Variants in PLCB1 observed in about 807,000 individuals in gnomAD.
PLCB1 encodes the protein phospholipase C beta 1.
PLCB1 carries 46 observed loss-of-function variants against 161.8 expected under a neutral mutation model. The observed-to-expected ratio is 0.28, with a 90% CI of 0.22 to 0.36. PLCB1 has a LOEUF of 0.36. PLCB1 is among the 10% of genes least tolerant of loss of function. The probability of loss-of-function intolerance (pLI) is 1.00; values close to 1 mark genes in which losing one functional copy is unlikely to be tolerated. For synonymous variants in PLCB1, 517 were observed against 503.7 expected (o/e 1.03, Z -0.35); for missense variants, 1,016 against 1,472.5 (o/e 0.69, Z 5.07).
At chr20:8,622,908 G>T (rs1464682660) in intron 3 of PLCB1, among the ~76,000 whole-genome samples, 2 of 150,596 alleles carry the variant, frequency 1.3e-5, no homozygotes, top group Admixed American at 6.6e-5. Context: ...CTCAGGCAAT[G>T]CAACTTTTTG....
chr20:8,345,944 C>T (rs1220590024), intron 2 of PLCB1, among the ~76,000 whole-genome samples: 1 of 152,174 alleles, frequency 6.6e-6, no homozygotes, highest in African/African-American at 2.4e-5. Flanking sequence ...AGAGAAGATG[C>T]CACAGTTTCT....
intron 30 of PLCB1, 23 bp from the exon 31 acceptor site, chr20:8,790,152 T>C: frequency 6.5e-7 from 1 of 1,539,430 alleles, no homozygotes; most frequent in Non-Finnish European, 9.0e-7. Flanking sequence ...ATGAAAGTAA[T>C]GTTTCTTGTA....
chr20:8,174,503 A>C (rs2051763179), intron 2 of PLCB1, among the ~76,000 whole-genome samples: 1 of 152,220 alleles, frequency 6.6e-6, no homozygotes, highest in African/African-American at 2.4e-5. Context: ...TAGAAGAAGG[A>C]AACTTGGAGT....
At chr20:8,670,418 A>G (rs992007891) in intron 9 of PLCB1, among the ~76,000 whole-genome samples, 9 of 152,226 alleles carry the variant, frequency 5.9e-5, no homozygotes, top group African/African-American at 2.2e-4. Context: ...GGGAAACTGC[A>G]AGCACACAGA....
chr20:8,205,841 T>C (rs1978498269), intron 2 of PLCB1, among the ~76,000 whole-genome samples: 1 of 152,112 alleles, frequency 6.6e-6, no homozygotes, highest in African/African-American at 2.4e-5. Flanking sequence ...CACGAATGAA[T>C]GGTTTTTGAG....
chr20:8,854,799 T>C (rs1170944078), intron 31 of PLCB1, among the ~76,000 whole-genome samples: 1 of 152,252 alleles, frequency 6.6e-6, no homozygotes, highest in Non-Finnish European at 1.5e-5. Flanking sequence ...GTGTATTTCC[T>C]GTCCTCGTTA....
intron 3 of PLCB1, among the ~76,000 whole-genome samples, chr20:8,529,103 T>C (rs977342312): frequency 2.6e-5 from 4 of 152,104 alleles, no homozygotes; most frequent in African/African-American, 9.7e-5. Context: ...CTGAAATTTT[T>C]AACTTGTTTT....
intron 3 of PLCB1, among the ~76,000 whole-genome samples, chr20:8,619,997 T>C (rs947863193): frequency 2.0e-5 from 3 of 152,180 alleles, no homozygotes; most frequent in Non-Finnish European, 2.9e-5. Context: ...AACTTTTCAG[T>C]GTCTGGTTCT....
At chr20:8,363,341 T>A (rs1279977634) in intron 2 of PLCB1, among the ~76,000 whole-genome samples, 36 of 152,076 alleles carry the variant, frequency 2.4e-4, no homozygotes, top group Non-Finnish European at 2.9e-5. Flanking sequence ...AAATTCCTCT[T>A]CCAAGCTCAT....
intron 2 of PLCB1, among the ~76,000 whole-genome samples, chr20:8,195,181 A>G (rs1435305380): frequency 6.6e-6 from 1 of 152,018 alleles, no homozygotes; most frequent in Non-Finnish European, 1.5e-5. Context: ...TTAGTAGAAA[A>G]TCTTTTAGGA....
chr20:8,196,953 A>G (rs1328643220), intron 2 of PLCB1, among the ~76,000 whole-genome samples: 1 of 152,026 alleles, frequency 6.6e-6, no homozygotes, highest in Non-Finnish European at 1.5e-5. Flanking sequence ...TTTGCTGAGA[A>G]TGATGGTTTC....
At chr20:8,344,682 C>T (rs1212442731) in intron 2 of PLCB1, among the ~76,000 whole-genome samples, 2 of 152,158 alleles carry the variant, frequency 1.3e-5, no homozygotes, top group Non-Finnish European at 2.9e-5. Flanking sequence ...AGGATTAAGC[C>T]CACACTTGTA....
intron 10 of PLCB1, among the ~76,000 whole-genome samples, chr20:8,686,546 T>C (rs1182379590): frequency 6.6e-6 from 1 of 152,234 alleles, no homozygotes; most frequent in African/African-American, 2.4e-5. Flanking sequence ...ACCAAAATGA[T>C]TGAATGACAA....
chr20:8,772,473 G>A (rs574966349), intron 26 of PLCB1, among the ~76,000 whole-genome samples: 9 of 152,248 alleles, frequency 5.9e-5, no homozygotes, highest in African/African-American at 9.6e-5. Context: ...TCACAGAGCC[G>A]TGGTTTCCTC....
intron 3 of PLCB1, among the ~76,000 whole-genome samples, chr20:8,572,169 GA>G (rs1338613446): frequency 6.6e-6 from 1 of 152,044 alleles, no homozygotes; most frequent in Non-Finnish European, 1.5e-5. Context: ...ACATTTCATA[GA>G]TAGTACATGC....
chr20:8,636,145 A>C (rs1268667431), intron 4 of PLCB1, among the ~76,000 whole-genome samples: 1 of 152,202 alleles, frequency 6.6e-6, no homozygotes, highest in Non-Finnish European at 1.5e-5. Context: ...CATAATGGAA[A>C]ACTGTGCATG....
At chr20:8,560,714 C>T (rs1422188273) in intron 3 of PLCB1, among the ~76,000 whole-genome samples, 9 of 151,814 alleles carry the variant, frequency 5.9e-5, no homozygotes, top group Non-Finnish European at 1.3e-4. Flanking sequence ...AATGGAAAAC[C>T]AAGTCTCCCA....
intron 2 of PLCB1, among the ~76,000 whole-genome samples, chr20:8,286,733 T>A (rs560828560): frequency 2.6e-5 from 4 of 152,340 alleles, no homozygotes; most frequent in Non-Finnish European, 5.9e-5. Context: ...TGTCCTTCAA[T>A]GAAACACAGG....
chr20:8,517,140 T>C (rs7347516), intron 3 of PLCB1, among the ~76,000 whole-genome samples: 1 of 152,022 alleles, frequency 6.6e-6, no homozygotes, highest in Middle Eastern at 3.2e-3. Flanking sequence ...CCACAAGTAA[T>C]GGCATAGAAG....
Sources: allele counts gnomAD v4.1 joint callset (sites outside exome capture counted in the v4.1 genomes callset), GRCh38; gene constraint gnomAD v4.1.1; transcripts MANE v1.5; gene names NCBI Gene and HGNC (gene_info 2026-07-23, HGNC 2026-07-21).